The following EPHA5 variants were observed in gnomAD, a reference collection of about 807,000 sequenced individuals.
The protein encoded by EPHA5 is EPH receptor A5.
A neutral mutation model predicts 105.0 loss-of-function variants in EPHA5; 60 were observed. The ratio of observed to expected loss-of-function variants is 0.57; its 90% CI spans 0.46 to 0.71. EPHA5 has a LOEUF of 0.71. Ranked by LOEUF, EPHA5 falls within the 30% of genes least tolerant of loss-of-function variation. EPHA5 has a pLI of 0.00. For synonymous variants in EPHA5, 513 were observed against 449.1 expected (o/e 1.14, Z -1.80); for missense variants, 1,218 against 1,274.7 (o/e 0.96, Z 0.68).
chr4:65,336,114 C>T lies in EPHA5; in HGVS notation c.2607G>A (p.Ala869=), dbSNP rs3752773. 1.4e-4 allele frequency: 226 copies of T among 1,610,210 alleles called. No individual in the cohort carries two copies. The East Asian group carries it at 4.8e-3, about 34-fold the overall frequency. ...WEMTNQDVIK[A]VEEGYRLPSP... is the part of the protein sequence containing the mutation. ...TTGGCAGACGATAGCCTTCCTCTAC[C>T]GCTTTAATCACCTGTATAAAGCAAA... The change falls in exon 15 of 17, where the codon GCG becomes GCA. Residue 869 remains alanine (A), a synonymous_variant. Coordinates refer to ENST00000613740, the MANE Select transcript of EPHA5 (RefSeq NM_001281766.3).
intron 8 of EPHA5, among the ~76,000 whole-genome samples, chr4:65,399,499 C>T (rs1257507933): frequency 6.6e-6 from 1 of 152,180 alleles, no homozygotes; most frequent in Non-Finnish European, 1.5e-5. Flanking sequence ...GAGGCTTCTG[C>T]CTGGAAAAGC....
intron 3 of EPHA5, among the ~76,000 whole-genome samples, chr4:65,498,116 G>A (rs115401287): frequency 2.4e-3 from 368 of 151,984 alleles, no homozygotes; most frequent in African/African-American, 8.4e-3. Flanking sequence ...AAGTGTATCC[G>A]TACCTTAAAG....
chr4:65,367,729 T>C (rs1188187715), intron 8 of EPHA5, among the ~76,000 whole-genome samples: 2 of 152,206 alleles, frequency 1.3e-5, no homozygotes, highest in East Asian at 3.9e-4. Flanking sequence ...TCTTTTACTT[T>C]ATTTTATTTT....
At chr4:65,502,412 A>T (rs1732583888) in intron 3 of EPHA5, among the ~76,000 whole-genome samples, 1 of 147,282 alleles carries the variant, frequency 6.8e-6, no homozygotes, top group Non-Finnish European at 1.5e-5. Flanking sequence ...CAAGCAAAAA[A>T]AAAATATATA....
chr4:65,332,634 G>C (rs1307576928), intron 15 of EPHA5, among the ~76,000 whole-genome samples: 1 of 151,412 alleles, frequency 6.6e-6, no homozygotes, highest in Non-Finnish European at 1.5e-5. Flanking sequence ...GTGGGGGAAG[G>C]CTACATATGT....
chr4:65,636,274 C>A (rs1249799578), intron 2 of EPHA5, among the ~76,000 whole-genome samples: 3 of 152,112 alleles, frequency 2.0e-5, no homozygotes, highest in Non-Finnish European at 4.4e-5. Flanking sequence ...TAGAATGCAA[C>A]CCACTCTGGA....
intron 5 of EPHA5, among the ~76,000 whole-genome samples, chr4:65,483,037 G>A (rs1241189718): frequency 1.3e-5 from 2 of 151,832 alleles, no homozygotes; most frequent in African/African-American, 4.8e-5. Flanking sequence ...CAGGCCCCAG[G>A]GTGTGATGTT....
chr4:65,586,245 T>C (rs1742115476), intron 3 of EPHA5, among the ~76,000 whole-genome samples: 1 of 151,804 alleles, frequency 6.6e-6, no homozygotes, highest in African/African-American at 2.4e-5. Flanking sequence ...TTCAAAATCG[T>C]CATATATTAG....
chr4:65,394,460 A>G (rs1721019335), intron 8 of EPHA5, among the ~76,000 whole-genome samples: 2 of 152,194 alleles, frequency 1.3e-5, no homozygotes, highest in Non-Finnish European at 2.9e-5. Context: ...GAAAAAAGTC[A>G]CAGATAAAAA....
chr4:65,381,302 A>T (rs28653690), intron 8 of EPHA5, among the ~76,000 whole-genome samples: 7,601 of 151,838 alleles, frequency 0.05, 344 homozygotes, highest in African/African-American at 0.11. Context: ...TTAAATTTTT[A>T]AAAATTAGGT....
intron 14 of EPHA5, among the ~76,000 whole-genome samples, chr4:65,343,811 C>T (rs1721961685): frequency 6.6e-6 from 1 of 151,752 alleles, no homozygotes; most frequent in African/African-American, 2.4e-5. Context: ...TTCTGTAAAC[C>T]TCATTTAAAT....
At chr4:65,551,721 T>C (rs933202611) in intron 3 of EPHA5, among the ~76,000 whole-genome samples, 2 of 152,154 alleles carry the variant, frequency 1.3e-5, no homozygotes, top group African/African-American at 4.8e-5. Flanking sequence ...AAACTAAATA[T>C]CTAAAGTAGA....
At chr4:65,640,275 G>GTTT (rs36189833) in intron 2 of EPHA5, among the ~76,000 whole-genome samples, 5 of 130,188 alleles carry the variant, frequency 3.8e-5, no homozygotes, top group African/African-American at 1.1e-4. Context: ...TCATTGCTCA[G>GTTT]TTTTTTCTTT....
intron 3 of EPHA5, among the ~76,000 whole-genome samples, chr4:65,512,419 G>T (rs1733710984): frequency 6.6e-6 from 1 of 152,102 alleles, no homozygotes; most frequent in South Asian, 2.1e-4. Flanking sequence ...CCCAATGTTG[G>T]AGGTAGGGCC....
chr4:65,556,213 T>A lies in EPHA5; in HGVS notation c.910+45428A>T, dbSNP rs911403201. 3.3e-5 allele frequency among the ~76,000 whole-genome samples: 5 copies of A among 152,134 alleles called. No individual in the cohort carries two copies. In the East Asian group the frequency reaches 9.6e-4, roughly 29 times the overall value. ...TGGATGGTAAGTGTGGATATGTTTA[T>A]TTCACCACCAGTTGAATTAAATGGT... On this transcript the variant is annotated intron_variant, in intron 3 of 16. Coordinates refer to ENST00000613740, the MANE Select transcript of EPHA5 (RefSeq NM_001281766.3).
rs1442321840 is a variant in EPHA5 at position 65,395,761 on chromosome 4, C to T, written c.1793+8613G>A. Among the ~76,000 whole-genome samples the T allele has an allele frequency of 3.3e-5, 5 of 152,304 alleles. No individual in the cohort carries two copies. In the East Asian group the frequency reaches 5.8e-4, roughly 18 times the overall value. On this transcript the variant is annotated intron_variant, in intron 8 of 16. Coordinates refer to ENST00000613740, the MANE Select transcript of EPHA5 (RefSeq NM_001281766.3). The stretch of plus-strand genomic sequence containing the variant: ...AAGACTGGTTGGCCAGAAAATATAA[C>T]TTTTAACAGGCATTAAGCCATTTCT...
intron 5 of EPHA5, among the ~76,000 whole-genome samples, chr4:65,483,350 A>C (rs1428224826): frequency 1.3e-5 from 2 of 152,176 alleles, no homozygotes; most frequent in African/African-American, 4.8e-5. Flanking sequence ...TAGCAGCATG[A>C]CTTACAATCC....
At chr4:65,544,762 G>A (rs2149328526) in intron 3 of EPHA5, among the ~76,000 whole-genome samples, 1 of 151,936 alleles carries the variant, frequency 6.6e-6, no homozygotes, top group Non-Finnish European at 1.5e-5. Flanking sequence ...CTACTATAAA[G>A]ACACATGCAC....
chr4:65,643,404 CAG>C lies in EPHA5; in HGVS notation c.203_204del (p.Thr68SerfsTer20). 1.9e-6 allele frequency: 3 copies of C among 1,613,136 alleles called. No individual in the cohort carries two copies. The highest frequency in any genetic ancestry group is 2.5e-6 in the Non-Finnish European group (3 of 1,179,322). ...GCAATCCATCCCAGGTCCCCCATGA[CAG>C]TGCGTGAATCCAATAAATTCACTGA... is the stretch of plus-strand genomic sequence containing the variant. ...SNEVNLLDSR[T>X]VMGDLGWIAF... On this transcript the variant is annotated frameshift_variant, in exon 2 of 17. Transcript: ENST00000613740. LOFTEE classifies it high-confidence loss of function.
Sources: allele counts gnomAD v4.1 joint callset (sites outside exome capture counted in the v4.1 genomes callset), GRCh38; gene constraint gnomAD v4.1.1; transcripts MANE v1.5; gene names NCBI Gene and HGNC (gene_info 2026-07-23, HGNC 2026-07-21).